SLC14A2: variants seen among roughly 807,000 people sequenced by gnomAD.
The protein encoded by SLC14A2 is solute carrier family 14 member 2.
In SLC14A2, 91 loss-of-function variants were observed where a neutral mutation model predicts 104.6. The ratio of observed to expected loss-of-function variants is 0.87; its 90% CI spans 0.73 to 1.04. The LOEUF (loss-of-function observed/expected upper bound fraction) is 1.04. Among genes scored for constraint, SLC14A2 ranks in the 50% least tolerant of loss-of-function variants. The probability of loss-of-function intolerance (pLI) is 0.00; values close to 1 mark genes in which losing one functional copy is unlikely to be tolerated. For synonymous variants in SLC14A2, 476 were observed against 466.4 expected, an observed-to-expected ratio of 1.02 and a Z score of -0.27; for missense variants, 1,189 against 1,156.0, an observed-to-expected ratio of 1.03 and a Z score of -0.41.
chr18:45,556,818 T>C (rs554298311), intron 2 of SLC14A2, among the ~76,000 whole-genome samples: 81 of 152,250 alleles, frequency 5.3e-4, no homozygotes, highest in Non-Finnish European at 2.4e-4. Context: ...GATTCCAATA[T>C]GGAGCTCCCA....
At chr18:45,412,708 C>T (rs2086227672) in intron 1 of SLC14A2, among the ~76,000 whole-genome samples, 1 of 152,170 alleles carries the variant, frequency 6.6e-6, no homozygotes, top group Admixed American at 6.5e-5. Context: ...TCACAGCAGC[C>T]ACCCCTGAGA....
intron 1 of SLC14A2, among the ~76,000 whole-genome samples, chr18:45,305,139 A>G (rs1442057301): frequency 6.6e-6 from 1 of 152,216 alleles, no homozygotes; most frequent in African/African-American, 2.4e-5. Context: ...GGAAGGCCAA[A>G]GCATTTCAGG....
At chr18:45,172,758 A>G in the SLC14A2 span, among the ~76,000 whole-genome samples, 4 of 152,132 alleles carry the variant, frequency 2.6e-5, no homozygotes, top group African/African-American at 9.7e-5. Context: ...ATCCAGACTC[A>G]TCCATAGATT....
chr18:45,630,552 A>G (rs991274761), intron 4 of SLC14A2, among the ~76,000 whole-genome samples: 5 of 152,196 alleles, frequency 3.3e-5, no homozygotes, highest in Non-Finnish European at 7.3e-5. Context: ...CAGGGAGGGA[A>G]ATCCAGAAAC....
intron 1 of SLC14A2, among the ~76,000 whole-genome samples, chr18:45,216,712 A>G (rs1488022530): frequency 1.3e-5 from 2 of 149,496 alleles, no homozygotes; most frequent in Non-Finnish European, 3.0e-5. Flanking sequence ...CATCTTGGAC[A>G]TAGGGGGGCC....
intron 2 of SLC14A2, among the ~76,000 whole-genome samples, chr18:45,609,891 G>C (rs1448966751): frequency 1.3e-5 from 2 of 152,198 alleles, no homozygotes; most frequent in Non-Finnish European, 2.9e-5. Flanking sequence ...AGCTGAAAAA[G>C]ACTGAGGTGC....
chr18:45,588,725 G>T (rs1190435230), intron 2 of SLC14A2, among the ~76,000 whole-genome samples: 2 of 152,218 alleles, frequency 1.3e-5, no homozygotes, highest in Non-Finnish European at 2.9e-5. Context: ...CCTCCAGCCT[G>T]TTCCAGCTAC....
chr18:45,641,257 G>C lies in SLC14A2; in HGVS notation c.1040G>C (p.Ser347Thr), dbSNP rs1310284288. 1 of 1,614,180 alleles carries C rather than the reference G, an allele frequency of 6.2e-7. No individual in the cohort carries two copies. Among genetic ancestry groups the C allele is most frequent in the South Asian group, 1.1e-5 (1 of 91,086 alleles). ...PFETIYTGLWSYNCVLSCIAI... is the reference protein window; with the variant it reads ...PFETIYTGLWTYNCVLSCIAI... ...GAGACCATCTACACAGGCCTCTGGA[G>C]CTACAACTGCGTCCTCTCCTGCATC... Residue 347 changes from serine (S) to threonine (T), a missense_variant, in exon 8 of 20, where the codon AGC becomes ACC. By Grantham distance (58) the Ser-to-Thr change is moderately conservative (BLOSUM62 1). Coordinates refer to ENST00000255226, the MANE Select transcript of SLC14A2 (RefSeq NM_007163.4).
chr18:45,634,704 T>G, intron 5 of SLC14A2: 1 of 418,470 alleles, frequency 2.4e-6, no homozygotes, highest in East Asian at 7.1e-5. Flanking sequence ...AGGTACACCC[T>G]GTAGACCCAG....
chr18:45,551,218 G>A (rs1379619980), intron 2 of SLC14A2, among the ~76,000 whole-genome samples: 2 of 151,974 alleles, frequency 1.3e-5, no homozygotes, highest in Non-Finnish European at 2.9e-5. Context: ...TTAATATGGG[G>A]AATTTTAAAA....
At chr18:45,623,254 A>C (rs2045204765) in intron 1 of SLC14A2, among the ~76,000 whole-genome samples, 1 of 152,208 alleles carries the variant, frequency 6.6e-6, no homozygotes, top group African/African-American at 2.4e-5. Flanking sequence ...GACTGTGGAA[A>C]TCAGTTGCTG....
chr18:45,442,493 A>G (rs1177905345), intron 1 of SLC14A2, among the ~76,000 whole-genome samples: 1 of 152,134 alleles, frequency 6.6e-6, no homozygotes, highest in Non-Finnish European at 1.5e-5. Flanking sequence ...ATCCTCACAC[A>G]GTATTCTCCC....
chr18:45,584,822 C>T (rs933194149), intron 2 of SLC14A2, among the ~76,000 whole-genome samples: 1 of 151,968 alleles, frequency 6.6e-6, no homozygotes, highest in Non-Finnish European at 1.5e-5. Flanking sequence ...GAATATAGAA[C>T]GAAGTGATGT....
Position 45,262,680 on chromosome 18 carries a change from G to T in SLC14A2, c.-125+49489G>T, listed in dbSNP as rs138014081. On this transcript the variant is annotated intron_variant, in intron 1 of 20. Transcript: ENST00000586448. ...TCAGAGCCTCCCACCCTGGATGGGG[G>T]AGCCACTTTGTAGTCCAGGCACAAG... Among the ~76,000 whole-genome samples, 554 of 152,220 alleles carry T rather than the reference G, an allele frequency of 3.6e-3. 3 individuals carry two copies. Among genetic ancestry groups the T allele is most frequent in the African/African-American group, 0.012 (486 of 41,528 alleles).
intron 1 of SLC14A2, among the ~76,000 whole-genome samples, chr18:45,240,057 T>C (rs1053160453): frequency 1.3e-4 from 19 of 151,548 alleles, no homozygotes; most frequent in African/African-American, 4.6e-4. Flanking sequence ...GTATTGTGAA[T>C]AGTGCTGTAA....
At position 45,289,008 on chromosome 18, in the gene SLC14A2, C is replaced by T. The variant is rs189508405; in HGVS notation, c.-125+75817C>T. On this transcript the variant is annotated intron_variant, in intron 1 of 20. Transcript: ENST00000586448. ...CAGGATATCATTGCCTGAGCAGATG[C>T]TGGGAACCTTCAAGAGTAATCCCAA... 6.6e-5 allele frequency among the ~76,000 whole-genome samples: 10 copies of T among 152,320 alleles called. No homozygotes were observed. In the East Asian group the frequency reaches 1.5e-3, roughly 24 times the overall value.
the SLC14A2 span, among the ~76,000 whole-genome samples, chr18:45,183,847 C>T: frequency 6.6e-6 from 1 of 150,930 alleles, no homozygotes; most frequent in Non-Finnish European, 1.5e-5. Context: ...CTATCCACCT[C>T]TCAGCCTCCC....
chr18:45,459,171 A>G (rs1304477096), intron 1 of SLC14A2, among the ~76,000 whole-genome samples: 2 of 152,148 alleles, frequency 1.3e-5, no homozygotes, highest in Non-Finnish European at 2.9e-5. Context: ...GGAGATAGTC[A>G]TTTGCCCTTC....
intron 1 of SLC14A2, among the ~76,000 whole-genome samples, chr18:45,281,795 C>CACTT (rs887341143): frequency 1.3e-5 from 2 of 152,164 alleles, no homozygotes; most frequent in African/African-American, 4.8e-5. Flanking sequence ...TAATGTGAAA[C>CACTT]ACTTCTAGGT....
Sources: gnomAD v4.1 joint callset for allele counts (sites outside exome capture counted in the v4.1 genomes callset) on GRCh38, gnomAD v4.1.1 for gene constraint, MANE v1.5 for transcripts, NCBI Gene and HGNC (gene_info 2026-07-23, HGNC 2026-07-21) for gene names.